The following NDUFA10 variants were observed in gnomAD, a reference collection of about 807,000 sequenced individuals.
NDUFA10 encodes NADH:ubiquinone oxidoreductase subunit A10.
A neutral mutation model predicts 47.8 loss-of-function variants in NDUFA10; 40 were observed. The ratio of observed to expected loss-of-function variants is 0.84; its 90% confidence interval spans 0.65 to 1.09. NDUFA10 has a LOEUF of 1.09. Ranked by LOEUF, NDUFA10 falls within the 50% of genes least tolerant of loss-of-function variation. The probability of loss-of-function intolerance (pLI) is 0.00; values close to 1 mark genes in which losing one functional copy is unlikely to be tolerated. For missense variants in NDUFA10, 413 were observed against 451.1 expected, an observed-to-expected ratio of 0.92 and a Z score of 0.76; for synonymous variants, 183 against 172.2, an observed-to-expected ratio of 1.06 and a Z score of -0.49.
chr2:240,023,082 G>A (rs933013135), intron 1 of NDUFA10, among the ~76,000 whole-genome samples: 1 of 152,040 alleles, frequency 6.6e-6, no homozygotes, highest in African/African-American at 2.4e-5. Context: ...TCATCTACAA[G>A]GCAAAGACCT....
At chr2:239,966,154 C>A (rs1388246237) in intron 9 of NDUFA10, among the ~76,000 whole-genome samples, 2 of 152,208 alleles carry the variant, frequency 1.3e-5, no homozygotes, top group Non-Finnish European at 2.9e-5. Flanking sequence ...AGGGCGAGGC[C>A]TGGAGCTGGG....
At position 239,920,733 on chromosome 2, in the gene NDUFA10, T is replaced by C. The variant is rs1457676111; in HGVS notation, c.295-25419A>G. Among the ~76,000 whole-genome samples the C allele has an allele frequency of 2.0e-5, 3 of 152,170 alleles. No homozygotes were observed. The East Asian group carries it at 5.8e-4, about 29-fold the overall frequency. On this transcript the variant is annotated intron_variant, in intron 4 of 5. Coordinates refer to the NDUFA10 transcript ENST00000419408. ...TCCCAGGCCTTTTGCGTGACGGCGATGGAGGCGCTGTGGTTTTGTTTCTTG... is the reference window on the plus strand; with the variant it reads ...TCCCAGGCCTTTTGCGTGACGGCGACGGAGGCGCTGTGGTTTTGTTTCTTG...
At chr2:239,983,107 AGAAT>A (rs1485369009) in intron 9 of NDUFA10, among the ~76,000 whole-genome samples, 1 of 152,206 alleles carries the variant, frequency 6.6e-6, no homozygotes, top group African/African-American at 2.4e-5. Flanking sequence ...CACTCAGGTC[AGAAT>A]GAAGCTCCCT....
intron 4 of NDUFA10, chr2:239,943,059 G>A (rs78832554): frequency 0.017 from 2,694 of 154,554 alleles, 38 homozygotes; most frequent in Non-Finnish European, 0.027. Flanking sequence ...ATCACAGGGA[G>A]AGTGGTGCAT....
intron 9 of NDUFA10, among the ~76,000 whole-genome samples, chr2:239,967,979 T>TACACACACACACACACACACAC (rs61166045): frequency 6.8e-6 from 1 of 147,476 alleles, no homozygotes; most frequent in African/African-American, 2.5e-5. Flanking sequence ...GAAAAAAATA[T>TACACACACACACACACACACAC]ACACACACAC....
intron 4 of NDUFA10, among the ~76,000 whole-genome samples, chr2:239,946,211 T>C (rs4393786): frequency 0.84 from 127,098 of 152,022 alleles, 53,681 homozygotes; most frequent in African/African-American, 0.96. Context: ...GTCACCCTCC[T>C]AGGTGGCACC....
chr2:239,979,965 G>C (rs1695703965), intron 9 of NDUFA10, among the ~76,000 whole-genome samples: 1 of 151,904 alleles, frequency 6.6e-6, no homozygotes, highest in Admixed American at 6.6e-5. Flanking sequence ...TCCGGGGGGT[G>C]CCTGCTCCCC....
chr2:240,017,093 A>G (rs1343757488), intron 4 of NDUFA10, among the ~76,000 whole-genome samples: 3 of 152,172 alleles, frequency 2.0e-5, no homozygotes, highest in African/African-American at 7.2e-5. Context: ...CCTCCCAGAT[A>G]GGCTCCTTCC....
At chr2:239,916,383 C>T (rs938466760) in intron 4 of NDUFA10, among the ~76,000 whole-genome samples, 3 of 151,750 alleles carry the variant, frequency 2.0e-5, no homozygotes, top group Non-Finnish European at 4.4e-5. Context: ...GATACACACA[C>T]ACATTGACAC....
Position 239,918,806 on chromosome 2 carries a change from C to T in NDUFA10, c.295-23492G>A, listed in dbSNP as rs1195480148. On this transcript the variant is annotated intron_variant, in intron 4 of 5. Coordinates refer to the NDUFA10 transcript ENST00000419408. The stretch of plus-strand genomic sequence containing the variant: ...AGCTCCCACCCGTGTCCTCGCTCTC[C>T]ACGCTGAGGGCTTGCCAAGGACACA... 3.9e-5 allele frequency among the ~76,000 whole-genome samples: 6 copies of T among 152,210 alleles called. No homozygotes were observed. In the East Asian group the frequency reaches 1.2e-3, roughly 29 times the overall value.
downstream of NDUFA10, among the ~76,000 whole-genome samples, chr2:239,954,341 CCT>C (rs1471340432): frequency 6.6e-6 from 1 of 152,230 alleles, no homozygotes; most frequent in Non-Finnish European, 1.5e-5. Flanking sequence ...GTGGGTTCCC[CCT>C]GACGGTCGGG....
chr2:239,941,652 G>A (rs1694363371), intron 4 of NDUFA10, among the ~76,000 whole-genome samples: 1 of 151,784 alleles, frequency 6.6e-6, no homozygotes, highest in South Asian at 2.1e-4. Flanking sequence ...TTGAACCTGA[G>A]AGGCGGAGCT....
At chr2:239,962,236 C>CACACAT (rs1294350430) in intron 9 of NDUFA10, among the ~76,000 whole-genome samples, 1 of 152,060 alleles carries the variant, frequency 6.6e-6, no homozygotes, top group Non-Finnish European at 1.5e-5. Context: ...CACACACACA[C>CACACAT]ACACCCCTTC....
At chr2:239,973,511 G>A in intron 9 of NDUFA10, 1 of 470,988 alleles carries the variant, frequency 2.1e-6, no homozygotes, top group South Asian at 1.6e-5. Flanking sequence ...TAGCAGGCGA[G>A]AAAACAGAAG....
chr2:239,921,336 T>C (rs1394834479), intron 4 of NDUFA10, among the ~76,000 whole-genome samples: 2 of 138,418 alleles, frequency 1.4e-5, no homozygotes, highest in East Asian at 4.0e-4. Flanking sequence ...ACCCAAAGAG[T>C]GGAGAAGGAA....
intron 4 of NDUFA10, among the ~76,000 whole-genome samples, chr2:239,937,099 C>G (rs538992009): frequency 6.6e-6 from 1 of 152,236 alleles, no homozygotes; most frequent in African/African-American, 2.4e-5. Flanking sequence ...GGGGGCAGTC[C>G]GCAGTGGCCA....
chr2:239,975,651 C>T (rs1460851821), intron 9 of NDUFA10, among the ~76,000 whole-genome samples: 1 of 152,218 alleles, frequency 6.6e-6, no homozygotes, highest in African/African-American at 2.4e-5. Flanking sequence ...CTGCGATCAG[C>T]AGCAGAAGTG....
intron 4 of NDUFA10, among the ~76,000 whole-genome samples, chr2:239,926,263 T>C (rs1694064122): frequency 6.6e-6 from 1 of 152,228 alleles, no homozygotes; most frequent in East Asian, 1.9e-4. Context: ...AATGGGTGAA[T>C]GGTTAAACAA....
At chr2:239,907,317 C>T (rs2106468798) in intron 4 of NDUFA10, among the ~76,000 whole-genome samples, 2 of 152,328 alleles carry the variant, frequency 1.3e-5, no homozygotes, top group East Asian at 3.9e-4. Context: ...TAGACAATAT[C>T]ATTCAGGCCA....
Sources: allele counts gnomAD v4.1 joint callset (sites outside exome capture counted in the v4.1 genomes callset), GRCh38; gene constraint gnomAD v4.1.1; transcripts MANE v1.5; gene names NCBI Gene and HGNC (gene_info 2026-07-23, HGNC 2026-07-21).